Variants in BRI3 observed in about 807,000 individuals in gnomAD.
BRI3 encodes the protein brain protein I3.
A neutral mutation model predicts 12.8 loss-of-function variants in BRI3; 6 were observed. The ratio of observed to expected loss-of-function variants is 0.47; its 90% CI spans 0.26 to 0.93. The LOEUF (loss-of-function observed/expected upper bound fraction) is 0.93, where lower values mean the gene tolerates loss of function less well. BRI3 is among the 40% of genes least tolerant of loss of function. The pLI is 0.15. For synonymous variants in BRI3, 91 were observed against 76.1 expected (o/e 1.20, Z -1.02); for missense variants, 134 against 171.1 (o/e 0.78, Z 1.21).
upstream of BRI3, among the ~76,000 whole-genome samples, chr7:98,302,014 G>A (rs995408702): frequency 1.1e-4 from 16 of 152,138 alleles, no homozygotes; most frequent in Non-Finnish European, 1.9e-4. Context: ...GTGGGAAGCC[G>A]GTAAGAGGCG....
At chr7:98,317,814 G>A in the BRI3 span, among the ~76,000 whole-genome samples, 6 of 148,862 alleles carry the variant, frequency 4.0e-5, no homozygotes, top group Non-Finnish European at 5.9e-5. Context: ...CCATCTTTAC[G>A]CTGGCTGGGA....
At chr7:98,308,225 C>G (rs1336692397) in exon 2 of BRI3, 4 of 512,022 alleles carry the variant, frequency 7.8e-6, no homozygotes, top group African/African-American at 5.7e-5. Context: ...CTTAGAGAGA[C>G]AAACCGCTCC....
chr7:98,284,074 G>A (rs894021645), intron 2 of BRI3, among the ~76,000 whole-genome samples: 1 of 152,204 alleles, frequency 6.6e-6, no homozygotes, highest in Admixed American at 6.5e-5. Flanking sequence ...GCTCTGCTGG[G>A]AAGGATCTTG....
upstream of BRI3, chr7:98,304,363 T>G: frequency 6.2e-7 from 1 of 1,613,446 alleles, no homozygotes; most frequent in South Asian, 1.1e-5. Flanking sequence ...CTGATGCTTC[T>G]CACTGGTGTG....
the BRI3 span, chr7:98,315,642 A>ATAATAC: frequency 1.8e-6 from 2 of 1,081,396 alleles, no homozygotes; most frequent in East Asian, 3.3e-5. Context: ...AATAATAATA[A>ATAATAC]TTATATAAGC....
chr7:98,296,245 C>T (rs546682779), downstream of BRI3, among the ~76,000 whole-genome samples: 80 of 152,358 alleles, frequency 5.3e-4, 1 homozygote, highest in African/African-American at 1.9e-3. Flanking sequence ...GGGCCGGGAA[C>T]GTCCTGCTGG....
Position 98,286,220 on chromosome 7 carries a change from G to A in BRI3, c.245+3767G>A, listed in dbSNP as rs190383470. ...GTGCCTGTGGGGACACAGGGAGGGC[G>A]AGGATGGCCTTCTCCCTGGGCAGCT... On this transcript the variant is annotated intron_variant, in intron 2 of 2. Transcript: ENST00000297290. 3.3e-3 allele frequency among the ~76,000 whole-genome samples: 497 copies of A among 152,270 alleles called. 2 individuals are homozygous for A. The highest frequency in any genetic ancestry group is 0.011 in the African/African-American group (472 of 41,556).
chr7:98,315,385 G>C, downstream of BRI3: 3 of 1,287,908 alleles, frequency 2.3e-6, no homozygotes, highest in Non-Finnish European at 3.0e-6. Context: ...CGTGGGCCAC[G>C]GCCCAGCCTT....
intron 1 of BRI3, chr7:98,307,182 G>A (rs966070061): frequency 1.6e-4 from 27 of 169,942 alleles, no homozygotes; most frequent in African/African-American, 5.8e-4. Flanking sequence ...GCGAGATCTC[G>A]GCTCACTGCA....
chr7:98,296,806 A>G (rs1371504359), downstream of BRI3, among the ~76,000 whole-genome samples: 2 of 152,168 alleles, frequency 1.3e-5, no homozygotes, highest in Admixed American at 6.5e-5. Context: ...TGCAAAGGAG[A>G]CCCACGAGGG....
At position 98,281,802 on chromosome 7, in the gene BRI3, C is replaced by T; in HGVS notation, c.7C>T (p.His3Tyr). The T allele has an allele frequency of 8.2e-7, 1 of 1,218,104 alleles. No individual in the cohort carries two copies. The highest frequency in any genetic ancestry group is 1.0e-6 in the Non-Finnish European group (1 of 975,638). 75.5% of individuals were successfully genotyped at this position (1,218,104 alleles called of 1,614,324 possible). The change falls in exon 1 of 3, where the codon CAC (histidine) becomes TAC (tyrosine). Residue 3 changes from histidine (H) to tyrosine (Y), a missense_variant. Physicochemically the swap from His to Tyr is moderately conservative, Grantham distance 83. Transcript: ENST00000297290. Reference protein sequence around the residue: MDHKPLLQERPPA... With the variant: MDYKPLLQERPPA... ...CGGGCGCGGCCGGGCCGCCATGGAC[C>T]ACAAGCCGCTGCTGCAGGAGCGGCC...
chr7:98,288,761 TCTGG>T (rs1799796651), intron 2 of BRI3, among the ~76,000 whole-genome samples: 1 of 151,950 alleles, frequency 6.6e-6, no homozygotes, highest in African/African-American at 2.4e-5. Context: ...TACCACTGTG[TCTGG>T]CTAATTTTAA....
At chr7:98,310,230 T>C in exon 2 of BRI3, 1 of 520,370 alleles carries the variant, frequency 1.9e-6, no homozygotes, top group Admixed American at 4.2e-5. Context: ...AACTGGTAAA[T>C]GTCAGAGAAA....
At chr7:98,306,510 A>T, upstream of BRI3, 1 of 1,613,914 alleles carries the variant, frequency 6.2e-7, no homozygotes, top group South Asian at 1.1e-5. Context: ...ACGGGAACCA[A>T]CCCCTCCTAC....
At chr7:98,286,048 A>G (rs1223142033) in intron 2 of BRI3, among the ~76,000 whole-genome samples, 3 of 152,060 alleles carry the variant, frequency 2.0e-5, no homozygotes, top group Non-Finnish European at 4.4e-5. Flanking sequence ...CCCCTGTGAC[A>G]CTGCCTTTGG....
chr7:98,316,452 G>A, the BRI3 span, among the ~76,000 whole-genome samples: 7 of 152,124 alleles, frequency 4.6e-5, no homozygotes, highest in East Asian at 1.2e-3. Context: ...GTTTTGGCAG[G>A]AGGTCACTGA....
At chr7:98,286,781 A>T (rs964064736) in intron 2 of BRI3, among the ~76,000 whole-genome samples, 5 of 152,260 alleles carry the variant, frequency 3.3e-5, no homozygotes, top group African/African-American at 4.8e-5. Flanking sequence ...AAACTTTAAT[A>T]TTTCTGCAGC....
At chr7:98,304,358 G>A (rs1421739212), upstream of BRI3, 1 of 1,613,550 alleles carries the variant, frequency 6.2e-7, no homozygotes, top group Non-Finnish European at 8.5e-7. Flanking sequence ...CGGTGCTGAT[G>A]CTTCTCACTG....
chr7:98,291,626 G>A, downstream of BRI3: 1 of 622,754 alleles, frequency 1.6e-6, no homozygotes, highest in Non-Finnish European at 2.1e-6. Context: ...GTTGTATTCA[G>A]CAGGCGCTTA....
Sources: allele counts gnomAD v4.1 joint callset (sites outside exome capture counted in the v4.1 genomes callset), GRCh38; gene constraint gnomAD v4.1.1; transcripts MANE v1.5; gene names NCBI Gene and HGNC (gene_info 2026-07-23, HGNC 2026-07-21).